Variants in PTPRT observed in about 807,000 individuals in gnomAD.
The protein encoded by PTPRT is receptor-type tyrosine-protein phosphatase T.
PTPRT carries 56 observed loss-of-function variants against 176.8 expected under a neutral mutation model. The ratio of observed to expected loss-of-function variants is 0.32; its 90% CI spans 0.26 to 0.40. The LOEUF is 0.40. PTPRT is among the 10% of genes least tolerant of loss of function. The probability of loss-of-function intolerance (pLI) is 1.00; values close to 1 mark genes in which losing one functional copy is unlikely to be tolerated. For missense variants in PTPRT, 1,540 were observed against 1,908.2 expected (o/e 0.81, Z 3.60); for synonymous variants, 783 against 739.0 (o/e 1.06, Z -0.96).
intron 16 of PTPRT, among the ~76,000 whole-genome samples, chr20:42,176,623 A>G (rs1033339978): frequency 3.3e-5 from 5 of 152,230 alleles, no homozygotes; most frequent in Non-Finnish European, 7.3e-5. Context: ...GTAATGCCTC[A>G]CACTGAAAAT....
chr20:42,775,047 C>T (rs1330223781), intron 4 of PTPRT, among the ~76,000 whole-genome samples: 4 of 152,162 alleles, frequency 2.6e-5, no homozygotes, highest in African/African-American at 9.7e-5. Context: ...CATCTTCAGC[C>T]AAACATGGTT....
chr20:42,833,398 C>CT (rs976777715), intron 2 of PTPRT, among the ~76,000 whole-genome samples: 4 of 150,904 alleles, frequency 2.7e-5, no homozygotes, highest in African/African-American at 9.7e-5. Context: ...ATAGCGAGAC[C>CT]CCCCATCTCT....
intron 9 of PTPRT, among the ~76,000 whole-genome samples, chr20:42,434,424 A>G (rs1388148896): frequency 1.3e-5 from 2 of 152,140 alleles, no homozygotes; most frequent in Non-Finnish European, 2.9e-5. Flanking sequence ...CTTTAACCTT[A>G]ACAAGTTTAT....
At chr20:42,402,366 A>C (rs535248867) in intron 9 of PTPRT, among the ~76,000 whole-genome samples, 1 of 152,022 alleles carries the variant, frequency 6.6e-6, no homozygotes, top group African/African-American at 2.4e-5. Flanking sequence ...TTTTCAGATA[A>C]TTGGGCCCAA....
intron 1 of PTPRT, among the ~76,000 whole-genome samples, chr20:42,922,985 A>G (rs1979255160): frequency 6.6e-6 from 1 of 151,844 alleles, no homozygotes. Context: ...GGTTCCCAAC[A>G]CTTCACTCAT....
intron 2 of PTPRT, among the ~76,000 whole-genome samples, chr20:42,843,541 C>T (rs542099621): frequency 2.6e-5 from 4 of 152,182 alleles, no homozygotes; most frequent in African/African-American, 7.2e-5. Context: ...TCCAAAGAAA[C>T]CTGGCAAGGG....
intron 9 of PTPRT, among the ~76,000 whole-genome samples, chr20:42,355,007 C>T (rs945056755): frequency 6.6e-6 from 1 of 151,832 alleles, no homozygotes; most frequent in African/African-American, 2.4e-5. Context: ...TCTGGTGGGC[C>T]TGTCTACAGC....
At chr20:42,122,426 C>T (rs1427848521) in intron 19 of PTPRT, among the ~76,000 whole-genome samples, 1 of 152,210 alleles carries the variant, frequency 6.6e-6, no homozygotes, top group Non-Finnish European at 1.5e-5. Context: ...TAACTGAGCC[C>T]TTCCCTGTGA....
the PTPRT span, among the ~76,000 whole-genome samples, chr20:42,042,069 T>C: frequency 6.6e-6 from 1 of 152,208 alleles, no homozygotes; most frequent in Non-Finnish European, 1.5e-5. Context: ...GCACTGGTAC[T>C]GCCCCATGGC....
At chr20:42,882,731 A>C (rs2079027831) in intron 2 of PTPRT, among the ~76,000 whole-genome samples, 1 of 152,216 alleles carries the variant, frequency 6.6e-6, no homozygotes. Flanking sequence ...CAAGATTCTC[A>C]TGGTCCCCAT....
chr20:42,313,725 T>G (rs2057671531), intron 12 of PTPRT, among the ~76,000 whole-genome samples: 1 of 151,842 alleles, frequency 6.6e-6, no homozygotes, highest in African/African-American at 2.4e-5. Flanking sequence ...ACAAGATGAG[T>G]CCCAGATGCT....
chr20:42,620,737 G>A (rs6093699), intron 7 of PTPRT, among the ~76,000 whole-genome samples: 31,980 of 152,104 alleles, frequency 0.21, 4,598 homozygotes, highest in African/African-American at 0.41. Context: ...CTTTGACTTC[G>A]AAAGGGAACT....
chr20:43,144,933 A>G (rs1600745858), intron 1 of PTPRT, among the ~76,000 whole-genome samples: 1 of 152,092 alleles, frequency 6.6e-6, no homozygotes, highest in Non-Finnish European at 1.5e-5. Context: ...CACTGGCCTC[A>G]CCTCTGATGC....
At chr20:42,516,160 C>T (rs572595571) in intron 7 of PTPRT, among the ~76,000 whole-genome samples, 5 of 149,656 alleles carry the variant, frequency 3.3e-5, no homozygotes, top group Non-Finnish European at 4.4e-5. Flanking sequence ...GGCTAGATGA[C>T]GAGTTAGTGG....
At chr20:42,046,484 G>T in the PTPRT span, among the ~76,000 whole-genome samples, 1 of 152,222 alleles carries the variant, frequency 6.6e-6, no homozygotes, top group African/African-American at 2.4e-5. Context: ...CAGAAAACAT[G>T]ATCAGCTTCT....
intron 9 of PTPRT, among the ~76,000 whole-genome samples, chr20:42,377,291 C>A (rs541545399): frequency 1.6e-4 from 25 of 152,186 alleles, no homozygotes; most frequent in Admixed American, 8.5e-4. Context: ...CATGCTAACT[C>A]CAGAAATCCT....
chr20:42,906,153 A>C (rs1398330032), intron 1 of PTPRT, among the ~76,000 whole-genome samples: 1 of 152,178 alleles, frequency 6.6e-6, no homozygotes, highest in Non-Finnish European at 1.5e-5. Flanking sequence ...ACATCAGCAG[A>C]AGAACCCACA....
chr20:42,279,396 A>C (rs1407275300), intron 13 of PTPRT, among the ~76,000 whole-genome samples: 2 of 152,140 alleles, frequency 1.3e-5, no homozygotes, highest in African/African-American at 4.8e-5. Context: ...AAGAAATGCC[A>C]AAGATTTGCC....
intron 16 of PTPRT, among the ~76,000 whole-genome samples, chr20:42,183,911 A>G (rs965555281): frequency 1.3e-5 from 2 of 152,182 alleles, no homozygotes; most frequent in Non-Finnish European, 2.9e-5. Context: ...TGCAAGAAGT[A>G]CAATTACCAT....
Sources: gnomAD v4.1 joint callset for allele counts (sites outside exome capture counted in the v4.1 genomes callset) on GRCh38, gnomAD v4.1.1 for gene constraint, MANE v1.5 for transcripts, NCBI Gene and HGNC (gene_info 2026-07-23, HGNC 2026-07-21) for gene names.